Variants in SMARCE1 observed in about 807,000 individuals in gnomAD.
SMARCE1 encodes SWI/SNF related BAF chromatin remodeling complex subunit E1, also known as SWI/SNF-related matrix-associated actin-dependent regulator of chromatin subfamily E member 1.
Under a neutral mutation model 54.9 loss-of-function variants are expected in SMARCE1, and 13 were observed. That is an observed-to-expected ratio of 0.24 (90% CI 0.15 to 0.38). SMARCE1 has a LOEUF of 0.38. Among genes scored for constraint, SMARCE1 ranks in the 10% least tolerant of loss-of-function variants. The pLI, the probability that SMARCE1 is intolerant of heterozygous loss-of-function variation, is 1.00. For synonymous variants in SMARCE1, 151 were observed against 175.3 expected, an observed-to-expected ratio of 0.86 and a Z score of 1.10; for missense variants, 295 against 523.8, an observed-to-expected ratio of 0.56 and a Z score of 4.26.
rs144902719 is a variant in SMARCE1, at chr17:40,630,986, T to G, written c.817-62A>C. The G allele has an allele frequency of 6.1e-4, 866 of 1,424,012 alleles. 9 individuals carry two copies. In the African/African-American group the frequency reaches 0.011, roughly 19 times the overall value. The allele number at this position is 1,424,012 out of a possible 1,614,324, so 88.2% of individuals were successfully genotyped here. The stretch of plus-strand genomic sequence containing the variant: ...CCTTATAATTTTTGAGCCAGATATA[T>G]TCTTTCAAAAGTTGGTTTTCTTGCC... On this transcript the variant is annotated intron_variant, in intron 9 of 10. Transcript: ENST00000348513.
At chr17:40,638,613 C>T (rs1357760154) in intron 4 of SMARCE1, among the ~76,000 whole-genome samples, 1 of 151,970 alleles carries the variant, frequency 6.6e-6, no homozygotes, top group Non-Finnish European at 1.5e-5. Context: ...TTTTAGTCTC[C>T]TGTTAATATA....
chr17:40,645,714 T>C (rs2037248608), intron 2 of SMARCE1, 82 bp downstream of exon 2: 1 of 1,101,346 alleles, frequency 9.1e-7, no homozygotes, highest in Non-Finnish European at 1.3e-6. Flanking sequence ...GAAAAAAAAA[T>C]GAGAGTATTT....
Position 40,642,199 on chromosome 17 carries a change from G to A in SMARCE1, c.156+256C>T. On this transcript the variant is annotated intron_variant, in intron 4 of 10. Coordinates refer to ENST00000348513, the MANE Select transcript of SMARCE1 (RefSeq NM_003079.5). This position sits in a 1 kb window ranked among gnomAD's most constrained non-coding sequence, Gnocchi z 4.6. ...TTCTGTTTGTTTACATACAGTATAA[G>A]CATCAAGTGCTCAAGGCTTTAACCC... 3.3e-6 allele frequency: 2 copies of A among 599,780 alleles called. No homozygotes were observed. Among genetic ancestry groups the A allele is most frequent in the Non-Finnish European group, 5.9e-6 (2 of 340,694 alleles). 37.2% of individuals were successfully genotyped at this position (599,780 alleles called of 1,614,324 possible).
intron 4 of SMARCE1, chr17:40,640,970 A>C (rs1401948092): frequency 3.9e-5 from 6 of 152,218 alleles, no homozygotes; most frequent in Non-Finnish European, 8.8e-5. Flanking sequence ...CCACAGCTAC[A>C]TCCAAGTTAA....
At chr17:40,630,293 A>C in intron 10 of SMARCE1, 1 of 1,245,612 alleles carries the variant, frequency 8.0e-7, no homozygotes, top group Non-Finnish European at 1.2e-6. Flanking sequence ...TTTTCTGTAA[A>C]GAGCCAGATA....
chr17:40,632,043 G>T, intron 8 of SMARCE1, 152 bp downstream of exon 8: 1 of 606,792 alleles, frequency 1.6e-6, no homozygotes, highest in Non-Finnish European at 2.8e-6. Flanking sequence ...AAACATCTGG[G>T]AAAGGTCCAC....
chr17:40,646,570 G>C (rs1322945991), intron 1 of SMARCE1, among the ~76,000 whole-genome samples: 1 of 152,106 alleles, frequency 6.6e-6, no homozygotes, highest in African/African-American at 2.4e-5. Context: ...AATATGGCTA[G>C]ATTGTATGCT....
chr17:40,628,857 G>T lies in SMARCE1; in HGVS notation c.1164C>A (p.Gly388=), dbSNP rs573977743. The change falls in exon 11 of 11, where the codon GGC becomes GGA. Residue 388 remains glycine (G), a synonymous_variant. Coordinates refer to ENST00000348513, the MANE Select transcript of SMARCE1 (RefSeq NM_003079.5). ...CCACTGTTGCACTGTTGCTCTCCGA[G>T]CCAGTGTTACTATCACTGGTTCCTT... The part of the protein sequence containing the change: ...AEEGTSDSNT[G]SESNSATVEE... The T allele has an allele frequency of 2.5e-6, 4 of 1,613,646 alleles. No homozygotes were observed. The South Asian group carries it at 3.3e-5, about 13-fold the overall frequency.
intron 3 of SMARCE1, chr17:40,644,749 G>C (rs1226243498): frequency 6.6e-6 from 1 of 152,112 alleles, no homozygotes; most frequent in Non-Finnish European, 1.5e-5. Flanking sequence ...GTGAAAAGTA[G>C]ACTAGCCTGA....
Position 40,645,845 on chromosome 17 carries a change from A to G in SMARCE1, c.-43T>C. 1.0e-6 allele frequency: 1 copy of G among 955,882 alleles called. No homozygotes were observed. Among genetic ancestry groups the G allele is most frequent in the Non-Finnish European group, 1.4e-6 (1 of 698,906 alleles). The allele number at this position is 955,882 out of a possible 1,614,324, so 59.2% of individuals were successfully genotyped here. ...TCAGTTCCTTAAGAATGAATCTGAG[A>G]CACTAAAATAAAAAAAAAAGGAAAA... is the stretch of plus-strand genomic sequence containing the variant. On this transcript the variant is annotated splice_region_variant and 5_prime_UTR_variant, in exon 2 of 11. Transcript: ENST00000348513.
At chr17:40,643,757 A>G (rs1216940512) in intron 3 of SMARCE1, 2 of 152,224 alleles carry the variant, frequency 1.3e-5, no homozygotes, top group Admixed American at 6.5e-5. Flanking sequence ...ACATATCCTT[A>G]GTACCCAAAA....
chr17:40,636,598 G>A, intron 5 of SMARCE1, 72 bp from the exon 6 acceptor site: 1 of 1,249,798 alleles, frequency 8.0e-7, no homozygotes, highest in Non-Finnish European at 1.1e-6. Flanking sequence ...AGTTTTTAAT[G>A]TGGAAACTTT....
In SMARCE1 at chr17:40,630,804, G is replaced by A. The variant is rs769672368; in HGVS notation, c.937C>T (p.Arg313Cys). 16 of 1,613,838 alleles carry A rather than the reference G, an allele frequency of 9.9e-6. No homozygotes were observed. Among genetic ancestry groups the A allele is most frequent in the Middle Eastern group, 1.6e-4 (1 of 6,084 alleles). ...TCAGGAACGATGCTGCTCTGACTGC[G>A]CTCAGCTTGCTCTGCGGCCTCCTTC... is the stretch of plus-strand genomic sequence containing the variant. ...REKEAAEQAE[R>C]SQSSIVPEEE... Residue 313 changes from arginine (R) to cysteine (C), a missense_variant, in exon 10 of 11, where the codon CGC (arginine) becomes TGC (cysteine). This residue lies in a region of SMARCE1 where 147 missense variants were observed against 161.4 expected (regional missense o/e 0.91). Transcript: ENST00000348513.
chr17:40,639,475 G>T (rs2037176422), intron 4 of SMARCE1, among the ~76,000 whole-genome samples: 1 of 152,076 alleles, frequency 6.6e-6, no homozygotes, highest in South Asian at 2.1e-4. Flanking sequence ...GCTTTAATAT[G>T]AATTAAAACA....
chr17:40,636,651 C>T, intron 5 of SMARCE1, 125 bp from the exon 6 acceptor site: 2 of 684,940 alleles, frequency 2.9e-6, no homozygotes, highest in Non-Finnish European at 4.8e-6. Flanking sequence ...TTTCTAGGTA[C>T]TCATCAGCCT....
At chr17:40,630,094 C>T (rs1364768245) in intron 10 of SMARCE1, 3 of 643,958 alleles carry the variant, frequency 4.7e-6, no homozygotes, top group Non-Finnish European at 8.3e-6. Context: ...GTGTACTAGG[C>T]AGTGTTAAAA....
intron 5 of SMARCE1, chr17:40,637,029 CAAAAAAA>C (rs398041688): frequency 3.0e-5 from 3 of 101,396 alleles, no homozygotes; most frequent in South Asian, 3.5e-4. Context: ...GGCTCATCAC[CAAAAAAA>C]AAAAAAAAAA....
intron 4 of SMARCE1, among the ~76,000 whole-genome samples, chr17:40,640,261 T>C (rs2037184502): frequency 6.6e-6 from 1 of 152,222 alleles, no homozygotes; most frequent in Admixed American, 6.5e-5. Context: ...TCTCAATGTG[T>C]TTTCACACCT....
chr17:40,628,383 A>G lies in SMARCE1; in HGVS notation c.*402T>C, dbSNP rs1366266825. ...TACCCTTTGCAGAAGTAAACAAGAG[A>G]GGAGACTTTCAGGAAGCTACTGATG... On this transcript the variant is annotated 3_prime_UTR_variant, in exon 11 of 11. Transcript: ENST00000348513. 1 of 170,772 alleles carries G rather than the reference A, an allele frequency of 5.9e-6. No individual in the cohort carries two copies. The highest frequency in any genetic ancestry group is 1.3e-5 in the Non-Finnish European group (1 of 78,884). The allele number at this position is 170,772 out of a possible 1,614,324, so 10.6% of individuals were successfully genotyped here.
Sources: allele counts gnomAD v4.1 joint callset (sites outside exome capture counted in the v4.1 genomes callset), GRCh38; gene constraint gnomAD v4.1.1; regional missense constraint gnomAD v4.1.1; non-coding constraint Gnocchi (gnomAD v3.1); transcripts MANE v1.5; gene names NCBI Gene and HGNC (gene_info 2026-07-23, HGNC 2026-07-21).